VPS26A: variants seen among roughly 807,000 people sequenced by gnomAD.
VPS26A encodes VPS26 retromer complex component A.
Under a neutral mutation model 42.4 loss-of-function variants are expected in VPS26A, and 22 were observed. The observed-to-expected ratio is 0.52, with a 90% CI of 0.37 to 0.74. VPS26A has a LOEUF of 0.74. Ranked by LOEUF, VPS26A falls within the 30% of genes least tolerant of loss-of-function variation. The probability of loss-of-function intolerance (pLI) is 0.00; values close to 1 mark genes in which losing one functional copy is unlikely to be tolerated. For synonymous variants in VPS26A, 110 were observed against 123.5 expected (o/e 0.89, Z 0.73); for missense variants, 276 against 379.2 (o/e 0.73, Z 2.26).
chr10:69,136,017 T>A (rs1840900314), intron 2 of VPS26A, among the ~76,000 whole-genome samples: 1 of 152,198 alleles, frequency 6.6e-6, no homozygotes, highest in Non-Finnish European at 1.5e-5. Flanking sequence ...TCTCTCTTAA[T>A]CTCAGGTTCC....
chr10:69,169,120 A>G (rs1029390288), intron 8 of VPS26A, among the ~76,000 whole-genome samples: 2 of 151,842 alleles, frequency 1.3e-5, no homozygotes, highest in Non-Finnish European at 1.5e-5. Flanking sequence ...GGCTTAAGCA[A>G]TCCTCCTGCC....
intron 6 of VPS26A, among the ~76,000 whole-genome samples, chr10:69,163,957 C>T (rs1331380238): frequency 6.6e-6 from 1 of 151,136 alleles, no homozygotes; most frequent in East Asian, 1.9e-4. Context: ...TTAGTAGAGA[C>T]GGGGTTTCAC....
At chr10:69,141,251 C>G (rs574781625) in intron 2 of VPS26A, among the ~76,000 whole-genome samples, 1 of 152,270 alleles carries the variant, frequency 6.6e-6, no homozygotes, top group Non-Finnish European at 1.5e-5. Flanking sequence ...AGAGACAACC[C>G]CAAAACTCAG....
intron 2 of VPS26A, among the ~76,000 whole-genome samples, chr10:69,138,999 G>C (rs571694527): frequency 6.6e-6 from 1 of 152,286 alleles, no homozygotes; most frequent in Non-Finnish European, 1.5e-5. Context: ...TACATTGTCA[G>C]AGTGTATAGT....
At chr10:69,149,060 G>A (rs1036037127) in intron 2 of VPS26A, among the ~76,000 whole-genome samples, 2 of 151,518 alleles carry the variant, frequency 1.3e-5, no homozygotes, top group Admixed American at 6.6e-5. Flanking sequence ...CCAGCCAAGA[G>A]TATGTTTTGT....
intron 2 of VPS26A, among the ~76,000 whole-genome samples, chr10:69,134,005 G>A (rs141125852): frequency 1.5e-4 from 23 of 152,168 alleles, no homozygotes; most frequent in Admixed American, 1.3e-3. Flanking sequence ...TTATATTTTA[G>A]GGAGTATGAT....
chr10:69,143,878 A>G (rs1391661285), intron 2 of VPS26A, among the ~76,000 whole-genome samples: 1 of 152,048 alleles, frequency 6.6e-6, no homozygotes, highest in African/African-American at 2.4e-5. Context: ...CACCATGCTC[A>G]GCTAATATTT....
At chr10:69,126,000 A>G (rs1033665316) in intron 1 of VPS26A, among the ~76,000 whole-genome samples, 1 of 152,232 alleles carries the variant, frequency 6.6e-6, no homozygotes, top group Non-Finnish European at 1.5e-5. Flanking sequence ...TTAGAAAACT[A>G]TAAAAACAAT....
In VPS26A at chr10:69,172,672, T is replaced by A. The variant is rs1802296; in HGVS notation, c.*1403T>A. On this transcript the variant is annotated 3_prime_UTR_variant, in exon 9 of 9. Transcript: ENST00000263559. The stretch of plus-strand genomic sequence containing the variant: ...AGCATCTGTTCTACATGTGGATATC[T>A]ATGAATGGTAATGTTTTCCTTCATG... The A allele has an allele frequency of 6.5e-6, 1 of 152,708 alleles. No individual in the cohort carries two copies. The highest frequency in any genetic ancestry group is 2.4e-5 in the African/African-American group (1 of 41,482). 9.5% of individuals were successfully genotyped at this position (152,708 alleles called of 1,614,324 possible). A position where few individuals can be genotyped will look rare whatever the true frequency, so the allele number is the denominator to read the frequency against.
intron 2 of VPS26A, among the ~76,000 whole-genome samples, chr10:69,136,529 C>G (rs555286296): frequency 6.6e-6 from 1 of 152,176 alleles, no homozygotes; most frequent in Non-Finnish European, 1.5e-5. Flanking sequence ...CTCAGCCTCC[C>G]AAAGTGCTGG....
chr10:69,139,797 T>C (rs1322991579), intron 2 of VPS26A, among the ~76,000 whole-genome samples: 1 of 152,180 alleles, frequency 6.6e-6, no homozygotes, highest in Non-Finnish European at 1.5e-5. Flanking sequence ...TGCTCTTGTA[T>C]TCCTTCTGCT....
chr10:69,154,087 G>C (rs1301084155), intron 2 of VPS26A, among the ~76,000 whole-genome samples: 1 of 152,184 alleles, frequency 6.6e-6, no homozygotes, highest in African/African-American at 2.4e-5. Context: ...ACGGAGCCCT[G>C]ACTCCCATGC....
chr10:69,167,692 G>A lies in VPS26A; in HGVS notation c.728-797G>A, dbSNP rs182724820. On this transcript the variant is annotated intron_variant, in intron 7 of 8. Transcript: ENST00000263559. ...CAGGAGGTGGAGGTTGCACTGACCC[G>A]AGATCGCACCATTGCACTCCGGCCT... Among the ~76,000 whole-genome samples, 18 of 138,022 alleles carry A rather than the reference G, an allele frequency of 1.3e-4. No individual in the cohort carries two copies. In the East Asian group the frequency reaches 3.6e-3, roughly 27 times the overall value. 90.5% of individuals were successfully genotyped at this position (138,022 alleles called of 152,430 possible).
intron 2 of VPS26A, among the ~76,000 whole-genome samples, chr10:69,133,978 C>T (rs987279698): frequency 6.6e-6 from 1 of 152,248 alleles, no homozygotes; most frequent in Non-Finnish European, 1.5e-5. Context: ...TGAGCCACCA[C>T]ACCTGACTGA....
chr10:69,124,389 G>A, intron 1 of VPS26A, 109 bp downstream of exon 1: 1 of 1,168,962 alleles, frequency 8.6e-7, no homozygotes, highest in Non-Finnish European at 1.1e-6. Flanking sequence ...GGGGGAGCAG[G>A]GCGGGGAGCG....
At position 69,174,047 on chromosome 10, in the gene VPS26A, G is replaced by A. The variant is rs1841878164; in HGVS notation, c.*2778G>A. ...GCAGGACGTGGGCGGGGACAAATAA[G>A]AGAATAAAAGCTGGCCACCCCCCAG... On this transcript the variant is annotated 3_prime_UTR_variant, in exon 9 of 9. Transcript: ENST00000263559. Among the ~76,000 whole-genome samples, 1 of 152,176 alleles carries A rather than the reference G, an allele frequency of 6.6e-6. No individual in the cohort carries two copies.
At chr10:69,127,755 A>G (rs1377795303) in intron 1 of VPS26A, among the ~76,000 whole-genome samples, 1 of 122,352 alleles carries the variant, frequency 8.2e-6, no homozygotes, top group Non-Finnish European at 1.6e-5. Context: ...TTTTTTTGAG[A>G]CAAGCTCTTG....
At chr10:69,164,259 C>A (rs1318124523) in intron 6 of VPS26A, among the ~76,000 whole-genome samples, 4 of 151,494 alleles carry the variant, frequency 2.6e-5, no homozygotes, top group African/African-American at 9.7e-5. Context: ...ACACTGTCAC[C>A]CAGGCTGGAG....
chr10:69,136,445 A>G (rs756251429), intron 2 of VPS26A, among the ~76,000 whole-genome samples: 1 of 151,438 alleles, frequency 6.6e-6, no homozygotes, highest in African/African-American at 2.4e-5. Context: ...TCGTATTTTT[A>G]TTTTTAACAG....
Sources: gnomAD v4.1 joint callset for allele counts (sites outside exome capture counted in the v4.1 genomes callset) on GRCh38, gnomAD v4.1.1 for gene constraint, MANE v1.5 for transcripts, NCBI Gene and HGNC (gene_info 2026-07-23, HGNC 2026-07-21) for gene names.